The following DHRSX variants were observed in gnomAD, a reference collection of about 807,000 sequenced individuals.
DHRSX encodes the protein polyprenol dehydrogenase.
A neutral mutation model predicts 34.0 loss-of-function variants in DHRSX; 31 were observed. That is an observed-to-expected ratio of 0.91 (90% CI 0.69 to 1.23). The LOEUF is 1.23. Among genes scored for constraint, DHRSX ranks in the 50% most tolerant of loss-of-function variants. The pLI is 0.00. For missense variants in DHRSX, 414 were observed against 428.1 expected (o/e 0.97, Z 0.29); for synonymous variants, 201 against 183.8 (o/e 1.09, Z -0.76).
Position 2,221,068 on chromosome X carries a change from C to A in DHRSX, c.966G>T (p.Met322Ile). 6.2e-7 allele frequency: 1 copy of A among 1,613,902 alleles called. No homozygotes were observed. Among genetic ancestry groups the A allele is most frequent in the Non-Finnish European group, 8.5e-7 (1 of 1,179,826 alleles). Residue 322 changes from methionine (M) to isoleucine (I), a missense_variant, in exon 7 of 7, where the codon ATG becomes ATT. Met to Ile is a conservative substitution (Grantham distance 10). Transcript: ENST00000334651. ...ACAGGGTCACATCAAGGACCCCAGT[C>A]ATCTCACAACTCTTAGACCACAGCT... ...QQQLWSKSCE[M>I]TGVLDVTL
chrX:2,255,909 C>T (rs1446468994), intron 5 of DHRSX, among the ~76,000 whole-genome samples: 2 of 151,612 alleles, frequency 1.3e-5, no homozygotes, highest in Non-Finnish European at 2.9e-5. Flanking sequence ...GTGACAAAAG[C>T]GAAACTCTGT....
chrX:2,238,939 T>C (rs1375659715), intron 6 of DHRSX, among the ~76,000 whole-genome samples: 1 of 152,044 alleles, frequency 6.6e-6, no homozygotes, highest in Non-Finnish European at 1.5e-5. Context: ...TACACACTAG[T>C]AAATAATACA....
chrX:2,425,142 GA>G (rs11398813), intron 2 of DHRSX, 54 bp downstream of exon 2: 4,779 of 1,218,564 alleles, frequency 3.9e-3, no homozygotes, highest in Non-Finnish European at 4.7e-3. Flanking sequence ...TCCTGTCTCA[GA>G]AAAAAAAAAA....
chrX:2,420,944 A>G (rs2043772261), intron 2 of DHRSX, among the ~76,000 whole-genome samples: 1 of 152,200 alleles, frequency 6.6e-6, no homozygotes, highest in Non-Finnish European at 1.5e-5. Context: ...TGACATAGCC[A>G]AACACGATGT....
At position 2,243,204 on chromosome X, in the gene DHRSX, T is replaced by C. The variant is rs1204427890; in HGVS notation, c.623A>G (p.Tyr208Cys). Reference sequence around the variant, plus strand: ...GACAAGGGCCAGCTTGCTCTGGGCGTAGGCTGCGTGGGGTGAGTAGCAGGC... The same window carrying C: ...GACAAGGGCCAGCTTGCTCTGGGCGCAGGCTGCGTGGGGTGAGTAGCAGGC... Reference protein sequence around the residue: ...SSACYSPHAAYAQSKLALVLF... With the variant: ...SSACYSPHAACAQSKLALVLF... The change falls in exon 6 of 7, where the codon TAC becomes TGC. Residue 208 changes from tyrosine (Y) to cysteine (C), a missense_variant. Transcript: ENST00000334651. The C allele has an allele frequency of 3.7e-6, 6 of 1,613,828 alleles. No homozygotes were observed. The highest frequency in any genetic ancestry group is 5.1e-6 in the Non-Finnish European group (6 of 1,179,856).
At chrX:2,231,591 CTT>C (rs773367727) in intron 6 of DHRSX, among the ~76,000 whole-genome samples, 3 of 80,792 alleles carry the variant, frequency 3.7e-5, no homozygotes, top group African/African-American at 5.7e-5. Flanking sequence ...TCGTATCCTC[CTT>C]TTTCTTTTTT....
Position 2,249,837 on chromosome X carries a change from T to C in DHRSX, c.597-6607A>G, listed in dbSNP as rs747145572. On this transcript the variant is annotated intron_variant, in intron 5 of 6. Transcript: ENST00000334651. ...ACGCACCTGGCCTATGAATATCTTT[T>C]AGTAACATCACTACTTGAAATTGAT... 2.9e-4 allele frequency among the ~76,000 whole-genome samples: 44 copies of C among 151,852 alleles called. No individual in the cohort carries two copies. The South Asian group carries it at 9.2e-3, about 32-fold the overall frequency.
At chrX:2,402,171 G>A (rs1036611057) in intron 3 of DHRSX, among the ~76,000 whole-genome samples, 1 of 152,192 alleles carries the variant, frequency 6.6e-6, no homozygotes, top group Admixed American at 6.5e-5. Context: ...CTGGAGTCAG[G>A]ACGTGAGCCG....
intron 1 of DHRSX, among the ~76,000 whole-genome samples, chrX:2,492,409 A>G (rs1299987082): frequency 2.6e-5 from 4 of 151,850 alleles, no homozygotes; most frequent in African/African-American, 7.3e-5. Flanking sequence ...AGAGGCAGGA[A>G]GGATCCTCCT....
intron 3 of DHRSX, among the ~76,000 whole-genome samples, chrX:2,382,639 C>T (rs868012347): frequency 1.0e-3 from 10 of 9,668 alleles, no homozygotes; most frequent in South Asian, 7.0e-3. Flanking sequence ...ACCATCATCA[C>T]CATCACCATC....
intron 4 of DHRSX, among the ~76,000 whole-genome samples, chrX:2,276,891 GAAAGAGA>G (rs1306999149): frequency 7.7e-5 from 2 of 26,006 alleles, no homozygotes; most frequent in South Asian, 8.2e-4. Context: ...GGAAATAGGG[GAAAGAGA>G]GAAAGAGAGA....
intron 3 of DHRSX, among the ~76,000 whole-genome samples, chrX:2,300,494 G>A (rs993342827): frequency 7.9e-5 from 12 of 152,088 alleles, no homozygotes; most frequent in Non-Finnish European, 1.5e-4. Context: ...TTAGTGGGGT[G>A]GGAAAGGCAG....
At chrX:2,364,320 G>C (rs1175228618) in intron 3 of DHRSX, among the ~76,000 whole-genome samples, 3 of 152,160 alleles carry the variant, frequency 2.0e-5, no homozygotes, top group Non-Finnish European at 4.4e-5. Flanking sequence ...GTACATCCAT[G>C]TCAAGTGGGT....
intron 2 of DHRSX, among the ~76,000 whole-genome samples, chrX:2,423,740 G>A (rs1358236223): frequency 6.6e-6 from 1 of 151,238 alleles, no homozygotes; most frequent in Non-Finnish European, 1.5e-5. Context: ...CCTCCTCCCC[G>A]CCCCCCACTC....
chrX:2,488,915 G>A (rs2045036310), intron 1 of DHRSX: 1 of 1,603,860 alleles, frequency 6.2e-7, no homozygotes, highest in Non-Finnish European at 8.5e-7. Flanking sequence ...CAGCACCTTG[G>A]GCAGCAGGGG....
At position 2,282,792 on chromosome X, in the gene DHRSX, GAAGA is replaced by G. The variant is rs1173227949; in HGVS notation, c.388+8706_388+8709del. 7.1e-5 allele frequency among the ~76,000 whole-genome samples: 8 copies of G among 112,398 alleles called. No individual in the cohort carries two copies. The East Asian group carries it at 1.3e-3, about 19-fold the overall frequency. 73.7% of individuals were successfully genotyped at this position (112,398 alleles called of 152,430 possible). A position where few individuals can be genotyped will look rare whatever the true frequency, so the allele number is the denominator to read the frequency against. On this transcript the variant is annotated intron_variant, in intron 4 of 6. Transcript: ENST00000334651. ...AGCGAGGGAGGGAGGGGGAGAGAGA[GAAGA>G]AAGAGAGAAGAGAGAAAGAGAGAGA... is the stretch of plus-strand genomic sequence containing the variant.
At chrX:2,291,637 A>G in intron 3 of DHRSX, 34 bp from the exon 4 acceptor site, 1 of 1,455,300 alleles carries the variant, frequency 6.9e-7, no homozygotes, top group Non-Finnish European at 9.7e-7. Context: ...ATACCTGGTT[A>G]TCTCCCAACC....
At chrX:2,474,010 G>A (rs1282551457) in intron 1 of DHRSX, among the ~76,000 whole-genome samples, 9 of 151,832 alleles carry the variant, frequency 5.9e-5, no homozygotes, top group Non-Finnish European at 1.2e-4. Context: ...GCGAGGTGCA[G>A]AGAGGAGCAG....
intron 1 of DHRSX, among the ~76,000 whole-genome samples, chrX:2,467,962 CAA>C (rs746652058): frequency 3.8e-4 from 32 of 84,202 alleles, no homozygotes; most frequent in African/African-American, 8.8e-4. Context: ...AACTCCGTCT[CAA>C]AAAAAAAAAA....
Sources: gnomAD v4.1 joint callset for allele counts (sites outside exome capture counted in the v4.1 genomes callset) on GRCh38, gnomAD v4.1.1 for gene constraint, MANE v1.5 for transcripts, NCBI Gene and HGNC (gene_info 2026-07-23, HGNC 2026-07-21) for gene names.